Variants in WDFY4 observed in about 807,000 individuals in gnomAD.
The protein encoded by WDFY4 is WD repeat- and FYVE domain-containing protein 4.
A neutral mutation model predicts 351.9 loss-of-function variants in WDFY4; 169 were observed. That is an observed-to-expected ratio of 0.48 (90% confidence interval 0.42 to 0.55). The LOEUF (loss-of-function observed/expected upper bound fraction) is 0.55, where lower values mean the gene tolerates loss of function less well. Ranked by LOEUF, WDFY4 falls within the 20% of genes least tolerant of loss-of-function variation. WDFY4 has a pLI of 0.00. For synonymous variants in WDFY4, 1,622 were observed against 1,574.6 expected, an observed-to-expected ratio of 1.03 and a Z score of -0.71; for missense variants, 3,803 against 3,935.6, an observed-to-expected ratio of 0.97 and a Z score of 0.90.
chr10:48,701,045 A>G (rs182600457), intron 1 of WDFY4, among the ~76,000 whole-genome samples: 5 of 152,306 alleles, frequency 3.3e-5, no homozygotes, highest in Admixed American at 6.5e-5. Context: ...TTCATCTTGC[A>G]AAACTGAAAC....
At chr10:48,703,331 C>G (rs2063532602) in intron 1 of WDFY4, among the ~76,000 whole-genome samples, 1 of 152,200 alleles carries the variant, frequency 6.6e-6, no homozygotes, top group Non-Finnish European at 1.5e-5. Flanking sequence ...TGCGAAGCCA[C>G]TATTCTATTT....
At chr10:48,981,539 A>C in intron 61 of WDFY4, 61 bp downstream of exon 61, 1 of 1,498,766 alleles carries the variant, frequency 6.7e-7, no homozygotes, top group South Asian at 1.2e-5. Context: ...CCTTTAGGAA[A>C]GCCCCAGTGG....
chr10:48,868,362 G>A (rs2069629490), intron 40 of WDFY4, among the ~76,000 whole-genome samples: 1 of 152,218 alleles, frequency 6.6e-6, no homozygotes, highest in Non-Finnish European at 1.5e-5. Context: ...TCATGGCTGT[G>A]ATAGTCAGAG....
intron 47 of WDFY4, among the ~76,000 whole-genome samples, chr10:48,937,386 G>T (rs1840446973): frequency 6.6e-6 from 1 of 152,300 alleles, no homozygotes; most frequent in Non-Finnish European, 1.5e-5. Context: ...TTTCTTCAGT[G>T]TTAGGGTCCT....
intron 12 of WDFY4, among the ~76,000 whole-genome samples, chr10:48,752,394 T>C (rs2065211200): frequency 6.6e-6 from 1 of 152,266 alleles, no homozygotes; most frequent in South Asian, 2.1e-4. Flanking sequence ...CTTTTTTCAC[T>C]GAGGTGAGAT....
chr10:48,898,044 C>T (rs920587912), intron 45 of WDFY4, among the ~76,000 whole-genome samples: 1 of 152,094 alleles, frequency 6.6e-6, no homozygotes, highest in Admixed American at 6.5e-5. Flanking sequence ...TCCTGCTTGG[C>T]CCTGTTTCTG....
chr10:48,966,359 T>C (rs1398429818), intron 54 of WDFY4, among the ~76,000 whole-genome samples, 167 bp from the exon 55 acceptor site: 1 of 152,208 alleles, frequency 6.6e-6, no homozygotes, highest in Non-Finnish European at 1.5e-5. Context: ...GCCCCTCATC[T>C]GCAGCGTCTG....
intron 4 of WDFY4, 111 bp from the exon 5 acceptor site, chr10:48,723,322 G>C: frequency 1.5e-6 from 2 of 1,349,300 alleles, no homozygotes; most frequent in Non-Finnish European, 2.0e-6. Context: ...GGAGCCCAGA[G>C]GGACTGTCCC....
chr10:48,731,670 A>G (rs2064464987), intron 9 of WDFY4, 108 bp downstream of exon 9: 1 of 1,261,226 alleles, frequency 7.9e-7, no homozygotes, highest in African/African-American at 1.5e-5. Flanking sequence ...GAGCATGCCC[A>G]TGTCACTGGG....
At chr10:48,708,728 A>C (rs2132198053) in intron 1 of WDFY4, among the ~76,000 whole-genome samples, 1 of 152,278 alleles carries the variant, frequency 6.6e-6, no homozygotes, top group Non-Finnish European at 1.5e-5. Context: ...TGAGGTTCCC[A>C]ACTTGCAAAC....
Position 48,957,113 on chromosome 10 carries a change from G to A in WDFY4, c.7978-16G>A, listed in dbSNP as rs1385643383. The stretch of plus-strand genomic sequence containing the variant: ...CCAGTGAGAGCGGCTGGTCATGTTG[G>A]CTCCATTTCCCCCAGGGCGGAAGCT... On this transcript the variant is annotated splice_polypyrimidine_tract_variant and intron_variant, in intron 51 of 61. Transcript: ENST00000325239. The A allele has an allele frequency of 1.9e-6, 3 of 1,544,838 alleles. No homozygotes were observed. Among genetic ancestry groups the A allele is most frequent in the Non-Finnish European group, 2.6e-6 (3 of 1,142,424 alleles).
At chr10:48,808,869 C>T (rs1270417193) in intron 28 of WDFY4, among the ~76,000 whole-genome samples, 1 of 152,194 alleles carries the variant, frequency 6.6e-6, no homozygotes, top group Non-Finnish European at 1.5e-5. Flanking sequence ...CCCAGGGACC[C>T]AGAGGAGGCT....
At chr10:48,711,812 C>T (rs866349523) in intron 2 of WDFY4, among the ~76,000 whole-genome samples, 1 of 151,946 alleles carries the variant, frequency 6.6e-6, no homozygotes, top group Admixed American at 6.6e-5. Context: ...GAACTAGTGG[C>T]CATTTTTTTT....
intron 53 of WDFY4, 115 bp downstream of exon 53, chr10:48,959,928 C>G (rs2133832678): frequency 1.1e-6 from 1 of 936,872 alleles, no homozygotes; most frequent in East Asian, 2.7e-5. Context: ...AGGCTCATGT[C>G]TGGAAAACCC....
At chr10:48,732,590 A>G (rs1433787876) in intron 9 of WDFY4, among the ~76,000 whole-genome samples, 1 of 152,212 alleles carries the variant, frequency 6.6e-6, no homozygotes, top group East Asian at 1.9e-4. Flanking sequence ...TGGCCATGCT[A>G]CTGACAAACT....
chr10:48,885,246 G>A (rs547580992), intron 43 of WDFY4, among the ~76,000 whole-genome samples: 2 of 152,276 alleles, frequency 1.3e-5, no homozygotes, highest in African/African-American at 4.8e-5. Flanking sequence ...ATTTTATCAA[G>A]CTGTGCAGGT....
intron 13 of WDFY4, among the ~76,000 whole-genome samples, chr10:48,768,317 G>A (rs2620889): frequency 0.38 from 57,435 of 152,060 alleles, 12,829 homozygotes; most frequent in Non-Finnish European, 0.51. Flanking sequence ...TTGCCCATGC[G>A]CTGGCATGGG....
chr10:48,822,589 C>T, intron 35 of WDFY4, 52 bp downstream of exon 35: 1 of 1,427,540 alleles, frequency 7.0e-7, no homozygotes, highest in Non-Finnish European at 9.3e-7. Context: ...TGATGTGCTC[C>T]TGGCTATTGT....
At position 48,708,486 on chromosome 10, in the gene WDFY4, G is replaced by A. The variant is rs113487564; in HGVS notation, c.-17-1230G>A. Among the ~76,000 whole-genome samples the A allele has an allele frequency of 9.4e-3, 1,430 of 152,298 alleles. 13 individuals are homozygous for A. The highest frequency in any genetic ancestry group is 0.032 in the African/African-American group (1,317 of 41,548). On this transcript the variant is annotated intron_variant, in intron 1 of 61. Transcript: ENST00000325239. ...GCTGGGCACCCGGATGGCTTCCTAC[G>A]TGGTAATGTTGAGTTTGGTGAGGGC...
Sources: gnomAD v4.1 joint callset for allele counts (sites outside exome capture counted in the v4.1 genomes callset) on GRCh38, gnomAD v4.1.1 for gene constraint, MANE v1.5 for transcripts, NCBI Gene and HGNC (gene_info 2026-07-23, HGNC 2026-07-21) for gene names.